Variants in DHRSX observed in about 807,000 individuals in gnomAD.
The protein encoded by DHRSX is polyprenol dehydrogenase.
A neutral mutation model predicts 34.0 loss-of-function variants in DHRSX; 31 were observed. That is an observed-to-expected ratio of 0.91 (90% CI 0.69 to 1.23). The LOEUF is 1.23. Among genes scored for constraint, DHRSX ranks in the 50% most tolerant of loss-of-function variants. The pLI, the probability that DHRSX is intolerant of heterozygous loss-of-function variation, is 0.00. For missense variants in DHRSX, 414 were observed against 428.1 expected (o/e 0.97, Z 0.29); for synonymous variants, 201 against 183.8 (o/e 1.09, Z -0.76).
Position 2,246,065 on chromosome X carries a change from C to T in DHRSX, c.597-2835G>A, listed in dbSNP as rs191379329. 3.3e-5 allele frequency among the ~76,000 whole-genome samples: 5 copies of T among 151,376 alleles called. No individual in the cohort carries two copies. The East Asian group carries it at 9.7e-4, about 29-fold the overall frequency. On this transcript the variant is annotated intron_variant, in intron 5 of 6. Transcript: ENST00000334651. Reference sequence around the variant, plus strand: ...GGACTTTCTGAGGCTATGTCACAGGCTCACGTCCTTAAATTTGGCAAAACA... The same window carrying T: ...GGACTTTCTGAGGCTATGTCACAGGTTCACGTCCTTAAATTTGGCAAAACA...
chrX:2,320,251 T>C (rs1653595599), intron 3 of DHRSX, among the ~76,000 whole-genome samples: 1 of 130,796 alleles, frequency 7.6e-6, no homozygotes, highest in African/African-American at 2.8e-5. Flanking sequence ...GTAGCGATCA[T>C]ATGACCCAAA....
intron 1 of DHRSX, among the ~76,000 whole-genome samples, chrX:2,466,165 G>A (rs750502568): frequency 6.0e-4 from 92 of 152,318 alleles, no homozygotes; most frequent in African/African-American, 2.0e-3. Flanking sequence ...TTGGTTGGGC[G>A]TGGCGGCGCA....
intron 4 of DHRSX, among the ~76,000 whole-genome samples, chrX:2,275,878 T>G (rs1843450264): frequency 6.6e-6 from 1 of 152,024 alleles, no homozygotes; most frequent in Admixed American, 6.6e-5. Context: ...GGAGTCTCAC[T>G]CTGTCGCTAG....
intron 4 of DHRSX, among the ~76,000 whole-genome samples, chrX:2,273,905 A>T (rs2031037483): frequency 6.6e-6 from 1 of 151,888 alleles, no homozygotes; most frequent in Non-Finnish European, 1.5e-5. Flanking sequence ...CGTGCTAGGG[A>T]CTCGCCTGGC....
chrX:2,230,633 A>G (rs1390493903), intron 6 of DHRSX, among the ~76,000 whole-genome samples: 2 of 152,160 alleles, frequency 1.3e-5, no homozygotes, highest in African/African-American at 2.4e-5. Context: ...ACGCTTCACA[A>G]TGTGGGTGGG....
intron 5 of DHRSX, among the ~76,000 whole-genome samples, chrX:2,248,745 G>A (rs1314002568): frequency 6.6e-6 from 1 of 151,930 alleles, no homozygotes; most frequent in Non-Finnish European, 1.5e-5. Context: ...CCCACCCCCA[G>A]AAGGAAGGCG....
intron 4 of DHRSX, among the ~76,000 whole-genome samples, chrX:2,272,033 A>G (rs2041562960): frequency 6.6e-6 from 1 of 151,918 alleles, no homozygotes. Flanking sequence ...AGAGTGAGAC[A>G]AAACGAAACA....
At chrX:2,303,829 GTGGA>G (rs1410450706) in intron 3 of DHRSX, among the ~76,000 whole-genome samples, 3 of 68,828 alleles carry the variant, frequency 4.4e-5, no homozygotes, top group Admixed American at 1.7e-4. Context: ...GGATGGGTGG[GTGGA>G]TGGATGGATG....
At chrX:2,225,767 A>G (rs2015645525) in intron 6 of DHRSX, among the ~76,000 whole-genome samples, 1 of 151,802 alleles carries the variant, frequency 6.6e-6, no homozygotes, top group African/African-American at 2.4e-5. Context: ...CTCCAAGCCC[A>G]GGAGAGAGAC....
At chrX:2,421,462 A>C (rs2043778655) in intron 2 of DHRSX, among the ~76,000 whole-genome samples, 1 of 152,234 alleles carries the variant, frequency 6.6e-6, no homozygotes, top group Non-Finnish European at 1.5e-5. Context: ...AAAAAGGCTC[A>C]AACTTAAGTG....
chrX:2,400,473 G>T (rs1375092591), intron 3 of DHRSX, among the ~76,000 whole-genome samples: 1 of 152,250 alleles, frequency 6.6e-6, no homozygotes, highest in East Asian at 1.9e-4. Flanking sequence ...AGAGACTCTT[G>T]CATGTCATCA....
chrX:2,284,909 T>TA (rs955534270), intron 4 of DHRSX, among the ~76,000 whole-genome samples: 21 of 152,084 alleles, frequency 1.4e-4, no homozygotes, highest in African/African-American at 4.3e-4. Context: ...GCTCTAAGAA[T>TA]AAAAAAAGAA....
intron 1 of DHRSX, among the ~76,000 whole-genome samples, chrX:2,469,389 T>C (rs1282974143): frequency 1.2e-4 from 15 of 128,952 alleles, no homozygotes; most frequent in African/African-American, 3.6e-4. Context: ...CATGTATACA[T>C]TGAAGACGTT....
At chrX:2,441,550 A>G (rs1006224813) in intron 1 of DHRSX, among the ~76,000 whole-genome samples, 3 of 152,158 alleles carry the variant, frequency 2.0e-5, no homozygotes, top group African/African-American at 7.2e-5. Flanking sequence ...TGCAGGGTAG[A>G]CCAGCAGGCC....
At chrX:2,262,297 G>A (rs2041373980) in intron 5 of DHRSX, among the ~76,000 whole-genome samples, 1 of 152,200 alleles carries the variant, frequency 6.6e-6, no homozygotes, top group African/African-American at 2.4e-5. Flanking sequence ...TCATGCATGG[G>A]TGTGAAAACA....
rs1371260944 is a variant in DHRSX at position 2,500,800 on chromosome X, T to C, written c.109+17A>G. 1.1e-6 allele frequency: 1 copy of C among 897,626 alleles called. No homozygotes were observed. The highest frequency in any genetic ancestry group is 1.0e-4 in the Admixed American group (1 of 9,716). The allele number at this position is 897,626 out of a possible 1,614,324, so 55.6% of individuals were successfully genotyped here. A position where few individuals can be genotyped will look rare whatever the true frequency, so the allele number is the denominator to read the frequency against. On this transcript the variant is annotated intron_variant, in intron 1 of 6. Transcript: ENST00000334651. ...CCCGGGTCCCCGGAGCCCTGACCCC[T>C]GCCCCGCCCCGCTGACCTGGCTCCA...
intron 3 of DHRSX, among the ~76,000 whole-genome samples, chrX:2,396,192 G>A (rs1002633917): frequency 1.8e-4 from 27 of 151,802 alleles, no homozygotes; most frequent in Non-Finnish European, 4.0e-4. Context: ...AGCTATCATT[G>A]GATTTAAGAC....
intron 6 of DHRSX, among the ~76,000 whole-genome samples, chrX:2,224,606 A>C (rs183466376): frequency 0.023 from 3,569 of 152,186 alleles, 132 homozygotes; most frequent in African/African-American, 0.081. Context: ...TGTAAGAAAA[A>C]CACACGCACA....
chrX:2,498,127 G>A (rs189979303), intron 1 of DHRSX, among the ~76,000 whole-genome samples: 4,434 of 152,230 alleles, frequency 0.029, 118 homozygotes, highest in Non-Finnish European at 0.043. Context: ...GTGGATTCCA[G>A]CCACAATTTC....
Sources: gnomAD v4.1 joint callset for allele counts (sites outside exome capture counted in the v4.1 genomes callset) on GRCh38, gnomAD v4.1.1 for gene constraint, MANE v1.5 for transcripts, NCBI Gene and HGNC (gene_info 2026-07-23, HGNC 2026-07-21) for gene names.